Variants in TMEM62 observed in about 807,000 individuals in gnomAD.
The protein encoded by TMEM62 is transmembrane protein 62.
A neutral mutation model predicts 70.4 loss-of-function variants in TMEM62; 41 were observed. The ratio of observed to expected loss-of-function variants is 0.58; its 90% confidence interval spans 0.45 to 0.76. TMEM62 has a LOEUF of 0.76. Among genes scored for constraint, TMEM62 ranks in the 30% least tolerant of loss-of-function variants. The pLI is 0.00. For synonymous variants in TMEM62, 268 were observed against 291.0 expected (o/e 0.92, Z 0.80); for missense variants, 688 against 788.5 (o/e 0.87, Z 1.53).
rs143934083 is a variant in TMEM62 at position 43,138,607 on chromosome 15, A to G, written c.464A>G (p.Lys155Arg). The G allele has an allele frequency of 2.9e-4, 468 of 1,605,650 alleles. 3 individuals are homozygous for G. The highest frequency in any genetic ancestry group is 2.2e-4 in the Admixed American group (13 of 59,212). The part of the protein sequence containing the change: ...AFNIPSLDSI[K>R]NYYRKYSAVR... ...AATATTCCAAGTCTGGACAGCATCA[A>G]GAATTATTACAGGTACTGTAATAAA... The change falls in exon 4 of 14, where the codon AAG (lysine) becomes AGG (arginine). Residue 155 changes from lysine to arginine, a missense_variant. Coordinates refer to ENST00000260403, the MANE Select transcript of TMEM62 (RefSeq NM_024956.4).
In TMEM62 at chr15:43,134,243, C is replaced by T. The variant is rs765496675; in HGVS notation, c.181-14C>T. 4 of 1,611,638 alleles carry T rather than the reference C, an allele frequency of 2.5e-6. No homozygotes were observed. The East Asian group carries it at 6.7e-5, about 27-fold the overall frequency. On this transcript the variant is annotated splice_polypyrimidine_tract_variant and intron_variant, in intron 1 of 13. Transcript: ENST00000260403. ...CTGGCTCAGATCTCTCTGTTCAATACCTGTTTTCGGCAGATATCCGACATT... is the reference window on the plus strand; with the variant it reads ...CTGGCTCAGATCTCTCTGTTCAATATCTGTTTTCGGCAGATATCCGACATT...
chr15:43,136,403 A>G (rs1471999876), intron 3 of TMEM62, among the ~76,000 whole-genome samples: 1 of 152,168 alleles, frequency 6.6e-6, no homozygotes, highest in Non-Finnish European at 1.5e-5. Flanking sequence ...TGCAAATTTT[A>G]AAAACTTAGC....
In TMEM62 at chr15:43,135,619, A is replaced by G. The variant is rs988513164; in HGVS notation, c.400A>G (p.Thr134Ala). The change falls in exon 3 of 14, where the codon ACC becomes GCC. Residue 134 changes from threonine to alanine, a missense_variant. Thr to Ala is a moderately conservative substitution (Grantham distance 58). Transcript: ENST00000260403. ...ILKKTRVMEK[T>A]KWLDIKGNHD... Reference sequence around the variant, plus strand: ...GAAGAAGACAAGAGTCATGGAAAAAACCAAGTGGCTGGATATCAAAGGAAA... The same window carrying G: ...GAAGAAGACAAGAGTCATGGAAAAAGCCAAGTGGCTGGATATCAAAGGAAA... 2.5e-6 allele frequency: 4 copies of G among 1,601,916 alleles called. No homozygotes were observed.
At chr15:43,169,541 A>G in intron 10 of TMEM62, 52 bp from the exon 11 acceptor site, 2 of 1,478,840 alleles carry the variant, frequency 1.4e-6, no homozygotes, top group Non-Finnish European at 1.9e-6. Context: ...AAAAATCTTA[A>G]CTGAAAGTGT....
chr15:43,171,579 T>C lies in TMEM62; in HGVS notation c.1381+1902T>C, dbSNP rs906650231. On this transcript the variant is annotated intron_variant, in intron 11 of 13. Coordinates refer to ENST00000260403, the MANE Select transcript of TMEM62 (RefSeq NM_024956.4). ...TTTATATTGAGACCACATAAAATTC[T>C]TTCTCATATAAAAACAGTTTCATAT... is the stretch of plus-strand genomic sequence containing the variant. Among the ~76,000 whole-genome samples the C allele has an allele frequency of 2.0e-5, 3 of 151,898 alleles. No homozygotes were observed. In the South Asian group the frequency reaches 6.2e-4, roughly 31 times the overall value.
At chr15:43,180,987 TC>T in intron 12 of TMEM62, 193 bp from the exon 13 acceptor site, 1 of 542,554 alleles carries the variant, frequency 1.8e-6, no homozygotes, top group Non-Finnish European at 3.3e-6. Context: ...AATTTCACAA[TC>T]CAAAAAATAG....
At chr15:43,135,737 T>C in intron 3 of TMEM62, 88 bp downstream of exon 3, 2 of 1,437,122 alleles carry the variant, frequency 1.4e-6, no homozygotes, top group Non-Finnish European at 1.8e-6. Flanking sequence ...TGTAAAATTA[T>C]AAAGTGGGAC....
chr15:43,137,208 C>A (rs1036148917), intron 3 of TMEM62, among the ~76,000 whole-genome samples: 2 of 152,136 alleles, frequency 1.3e-5, no homozygotes, highest in Non-Finnish European at 2.9e-5. Flanking sequence ...TAAAGGTTGA[C>A]TTTTTTATTA....
At chr15:43,182,363 A>G (rs2041417478) in intron 13 of TMEM62, among the ~76,000 whole-genome samples, 1 of 152,128 alleles carries the variant, frequency 6.6e-6, no homozygotes. Flanking sequence ...CCTAGCAAAC[A>G]CTGACCCAAG....
chr15:43,145,553 T>C (rs1024992556), intron 4 of TMEM62, among the ~76,000 whole-genome samples: 1 of 152,196 alleles, frequency 6.6e-6, no homozygotes, highest in Non-Finnish European at 1.5e-5. Context: ...GTAGAACTAA[T>C]TGACATTGTT....
chr15:43,136,877 T>C (rs2035296129), intron 3 of TMEM62, among the ~76,000 whole-genome samples: 1 of 152,118 alleles, frequency 6.6e-6, no homozygotes, highest in Non-Finnish European at 1.5e-5. Flanking sequence ...GCCCCACAAG[T>C]AGCTGGGACT....
chr15:43,134,975 G>A (rs1250115955), intron 2 of TMEM62, among the ~76,000 whole-genome samples: 1 of 152,168 alleles, frequency 6.6e-6, no homozygotes, highest in South Asian at 2.1e-4. Flanking sequence ...CATCTCTGCT[G>A]ACATGAAAGG....
chr15:43,172,682 C>T (rs2040319983), intron 11 of TMEM62, among the ~76,000 whole-genome samples: 1 of 152,060 alleles, frequency 6.6e-6, no homozygotes, highest in Non-Finnish European at 1.5e-5. Context: ...GAAGACATTT[C>T]TGTTTTTATC....
At chr15:43,173,342 T>A (rs182212400) in intron 11 of TMEM62, among the ~76,000 whole-genome samples, 1 of 152,346 alleles carries the variant, frequency 6.6e-6, no homozygotes, top group African/African-American at 2.4e-5. Context: ...ATCTAATTCA[T>A]CCTCTTCATT....
intron 8 of TMEM62, among the ~76,000 whole-genome samples, chr15:43,153,995 A>C (rs2037732463): frequency 6.6e-6 from 1 of 152,204 alleles, no homozygotes; most frequent in East Asian, 1.9e-4. Context: ...TCAACAACAG[A>C]TGCTAATTTA....
At chr15:43,158,400 T>C (rs1358080096) in intron 9 of TMEM62, among the ~76,000 whole-genome samples, 3 of 152,206 alleles carry the variant, frequency 2.0e-5, no homozygotes, top group Non-Finnish European at 4.4e-5. Context: ...TTCCCTGATT[T>C]GTACCAATCC....
intron 4 of TMEM62, 69 bp downstream of exon 4, chr15:43,138,688 A>G (rs1567176216): frequency 2.4e-6 from 3 of 1,268,282 alleles, no homozygotes; most frequent in East Asian, 4.6e-5. Context: ...GGTCAACTCA[A>G]TGAATGAGAG....
chr15:43,147,013 G>A (rs2139652), intron 5 of TMEM62, among the ~76,000 whole-genome samples: 1 of 152,118 alleles, frequency 6.6e-6, no homozygotes, highest in East Asian at 1.9e-4. Context: ...GGCCAGGCTG[G>A]AGTGCAGTGG....
At chr15:43,136,317 G>A (rs1281055936) in intron 3 of TMEM62, among the ~76,000 whole-genome samples, 1 of 152,152 alleles carries the variant, frequency 6.6e-6, no homozygotes, top group Non-Finnish European at 1.5e-5. Flanking sequence ...TTTGATTGTG[G>A]TGGTAGACTT....
Sources: gnomAD v4.1 joint callset for allele counts (sites outside exome capture counted in the v4.1 genomes callset) on GRCh38, gnomAD v4.1.1 for gene constraint, MANE v1.5 for transcripts, NCBI Gene and HGNC (gene_info 2026-07-23, HGNC 2026-07-21) for gene names.